PAX3: variants seen among roughly 807,000 people sequenced by gnomAD.
PAX3 encodes paired box 3.
PAX3 carries 14 observed loss-of-function variants against 51.6 expected under a neutral mutation model. The ratio of observed to expected loss-of-function variants is 0.27; its 90% CI spans 0.18 to 0.42. The LOEUF (loss-of-function observed/expected upper bound fraction) is 0.42. Ranked by LOEUF, PAX3 falls within the 10% of genes least tolerant of loss-of-function variation. The probability of loss-of-function intolerance (pLI) is 1.00; values close to 1 mark genes in which losing one functional copy is unlikely to be tolerated. For synonymous variants in PAX3, 280 were observed against 253.4 expected (o/e 1.11, Z -1.00); for missense variants, 540 against 642.8 (o/e 0.84, Z 1.73).
intron 7 of PAX3, among the ~76,000 whole-genome samples, chr2:222,203,925 T>G (rs576270604): frequency 6.6e-6 from 1 of 152,174 alleles, no homozygotes; most frequent in African/African-American, 2.4e-5. Context: ...TTTTTCATTT[T>G]GTTGTCTCTC....
At chr2:222,282,938 C>T (rs941900201) in intron 4 of PAX3, among the ~76,000 whole-genome samples, 5 of 152,298 alleles carry the variant, frequency 3.3e-5, no homozygotes, top group South Asian at 4.1e-4. Flanking sequence ...TAGGAGAAAA[C>T]GTATCATTTT....
rs140164883 is a variant in PAX3, at chr2:222,221,971, G to A, written c.793-584C>T. ...CTCGGTGGAAATAAATGCCAAAGAG[G>A]TAAGTGTTTCAAGAAATGAAAGCCT... On this transcript the variant is annotated intron_variant, in intron 5 of 8. Transcript: ENST00000392070. 4.2e-3 allele frequency among the ~76,000 whole-genome samples: 629 copies of A among 149,932 alleles called. 8 individuals carry two copies. Among genetic ancestry groups the A allele is most frequent in the African/African-American group, 0.014 (580 of 40,728 alleles).
At chr2:222,257,405 T>C (rs1693686957) in intron 4 of PAX3, among the ~76,000 whole-genome samples, 1 of 152,208 alleles carries the variant, frequency 6.6e-6, no homozygotes, top group East Asian at 1.9e-4. Context: ...GAATGATTAT[T>C]TTTCTACCCC....
At chr2:222,266,915 A>G (rs1459162796) in intron 4 of PAX3, among the ~76,000 whole-genome samples, 4 of 152,254 alleles carry the variant, frequency 2.6e-5, no homozygotes, top group African/African-American at 4.8e-5. Context: ...CATGGCATTG[A>G]ACCTGTATAC....
intron 4 of PAX3, among the ~76,000 whole-genome samples, chr2:222,273,704 G>A (rs1359965166): frequency 1.3e-5 from 2 of 152,106 alleles, no homozygotes; most frequent in African/African-American, 4.8e-5. Context: ...GCTGCACAAA[G>A]CTTAGCAGAA....
At chr2:222,274,745 C>G (rs1694362009) in intron 4 of PAX3, among the ~76,000 whole-genome samples, 1 of 152,114 alleles carries the variant, frequency 6.6e-6, no homozygotes, top group African/African-American at 2.4e-5. Context: ...TAGAGGAAAT[C>G]AATACTCAGA....
chr2:222,275,572 A>G (rs1319802025), intron 4 of PAX3, among the ~76,000 whole-genome samples: 1 of 152,202 alleles, frequency 6.6e-6, no homozygotes, highest in East Asian at 1.9e-4. Flanking sequence ...AAAAGTCAAT[A>G]TGTTGTGTAG....
intron 4 of PAX3, among the ~76,000 whole-genome samples, chr2:222,284,900 AC>A (rs1422785020): frequency 2.6e-5 from 4 of 152,234 alleles, no homozygotes; most frequent in Non-Finnish European, 5.9e-5. Flanking sequence ...AAAGGTCACA[AC>A]TAAAATGTGC....
At chr2:222,219,062 G>A (rs1054366877) in intron 7 of PAX3, among the ~76,000 whole-genome samples, 4 of 152,138 alleles carry the variant, frequency 2.6e-5, no homozygotes, top group Non-Finnish European at 5.9e-5. Context: ...AGATATACGA[G>A]TCGTTATTTT....
rs942139643 is a variant in PAX3 at position 222,201,443 on chromosome 2, C to A, written c.1421-1G>T. The A allele has an allele frequency of 1.2e-6, 2 of 1,613,916 alleles. No individual in the cohort carries two copies. The highest frequency in any genetic ancestry group is 1.3e-5 in the African/African-American group (1 of 74,910). On this transcript the variant is annotated splice_acceptor_variant, in intron 8 of 8. Coordinates refer to ENST00000392070, the MANE Select transcript of PAX3 (RefSeq NM_181458.4). LOFTEE classifies it high-confidence loss of function. ...TCTGGCTTGAGATAATGAAAGGCAC[C>A]TGTAAGGAAACACACGCAGCTTTTT...
chr2:222,260,604 T>G (rs554859463), intron 4 of PAX3, among the ~76,000 whole-genome samples: 1,567 of 80,572 alleles, frequency 0.019, 13 homozygotes, highest in African/African-American at 0.036. Flanking sequence ...TTTTTTTTTT[T>G]TTTTTGAGGC....
chr2:222,277,294 C>T (rs1356963138), intron 4 of PAX3, among the ~76,000 whole-genome samples: 1 of 152,180 alleles, frequency 6.6e-6, no homozygotes, highest in Non-Finnish European at 1.5e-5. Flanking sequence ...AGGCTTAAAT[C>T]TCCAGAGACT....
intron 5 of PAX3, 116 bp from the exon 6 acceptor site, chr2:222,221,503 A>T (rs2106074866): frequency 2.1e-6 from 2 of 951,668 alleles, no homozygotes; most frequent in Non-Finnish European, 3.4e-6. Flanking sequence ...AAATAGATGC[A>T]AGAGTTCTCT....
chr2:222,297,704 G>A (rs573629279), intron 1 of PAX3, among the ~76,000 whole-genome samples: 31 of 152,358 alleles, frequency 2.0e-4, no homozygotes, highest in African/African-American at 7.0e-4. Flanking sequence ...GGGTCAAAGA[G>A]GGTCCAGAAA....
In PAX3 at chr2:222,298,650, G is replaced by C. The variant is rs767118575; in HGVS notation, c.-35C>G. ...AGCTTCGCTCGGAAATTATATCCAG[G>C]TGAAGGCGAAACGGAAAGGCGAGTG... On this transcript the variant is annotated 5_prime_UTR_variant, in exon 1 of 9. Transcript: ENST00000392070. 2 of 1,569,254 alleles carry C rather than the reference G, an allele frequency of 1.3e-6. No individual in the cohort carries two copies. The highest frequency in any genetic ancestry group is 1.7e-6 in the Non-Finnish European group (2 of 1,154,426).
intron 4 of PAX3, among the ~76,000 whole-genome samples, chr2:222,254,502 A>C (rs1693562189): frequency 6.6e-6 from 1 of 152,160 alleles, no homozygotes; most frequent in Non-Finnish European, 1.5e-5. Flanking sequence ...CACAGTCACT[A>C]AGTATTATTT....
rs141867909 is a variant in PAX3, at chr2:222,269,024, T to C, written c.586+25143A>G. On this transcript the variant is annotated intron_variant, in intron 4 of 8. Transcript: ENST00000392070. ...AGAAATACAATACCATTACTTCCAG[T>C]TACTGCTTTTCCCAAGATAATTAGG... Among the ~76,000 whole-genome samples, 171 of 152,328 alleles carry C rather than the reference T, an allele frequency of 1.1e-3. 2 individuals are homozygous for C. In the South Asian group the frequency reaches 0.025, roughly 23 times the overall value.
At chr2:222,278,990 G>A (rs1013702006) in intron 4 of PAX3, among the ~76,000 whole-genome samples, 2 of 152,110 alleles carry the variant, frequency 1.3e-5, no homozygotes, top group Non-Finnish European at 2.9e-5. Context: ...TCACTCTGTT[G>A]CCCAGGCTGG....
At chr2:222,293,884 C>G (rs1037240041) in intron 4 of PAX3, 7 of 1,603,740 alleles carry the variant, frequency 4.4e-6, no homozygotes, top group Non-Finnish European at 6.0e-6. Flanking sequence ...CCCCTGCCCC[C>G]TACAACAGAG....
Sources: allele counts gnomAD v4.1 joint callset (sites outside exome capture counted in the v4.1 genomes callset), GRCh38; gene constraint gnomAD v4.1.1; transcripts MANE v1.5; gene names NCBI Gene and HGNC (gene_info 2026-07-23, HGNC 2026-07-21).